BRF1: variants seen among roughly 807,000 people sequenced by gnomAD.
BRF1 encodes transcription factor IIIB 90 kDa subunit.
In BRF1, 59 loss-of-function variants were observed where a neutral mutation model predicts 81.7. That is an observed-to-expected ratio of 0.72 (90% CI 0.59 to 0.90). BRF1 has a LOEUF of 0.90. Among genes scored for constraint, BRF1 ranks in the 40% least tolerant of loss-of-function variants. The probability of loss-of-function intolerance (pLI) is 0.00; values close to 1 mark genes in which losing one functional copy is unlikely to be tolerated. For missense variants in BRF1, 1,050 were observed against 936.3 expected (o/e 1.12, Z -1.58); for synonymous variants, 491 against 395.6 (o/e 1.24, Z -2.86).
At chr14:105,266,781 C>A (rs1334118649) in intron 3 of BRF1, among the ~76,000 whole-genome samples, 1 of 152,112 alleles carries the variant, frequency 6.6e-6, no homozygotes, top group Admixed American at 6.6e-5. Context: ...GGGGGGTTCA[C>A]ACCTAGAATC....
intron 15 of BRF1, among the ~76,000 whole-genome samples, chr14:105,216,788 G>C (rs1031699502): frequency 6.6e-6 from 1 of 152,210 alleles, no homozygotes; most frequent in Admixed American, 6.5e-5. Context: ...GAAGCAGTAG[G>C]ACCAGCAGAC....
rs2057993408 is a variant in BRF1 at position 105,300,971 on chromosome 14, G to C, written c.-342C>G. 6.5e-6 allele frequency: 1 copy of C among 154,094 alleles called. No homozygotes were observed. Among genetic ancestry groups the C allele is most frequent in the South Asian group, 2.0e-4 (1 of 4,880 alleles). The allele number at this position is 154,094 out of a possible 1,614,324, so 9.5% of individuals were successfully genotyped here. ...CTGGGCTTCGGCGGAACCCGAGCGG[G>C]GCCTACCGGTGAGCGCAGCCGAGGA... On this transcript the variant is annotated 5_prime_UTR_variant, in exon 1 of 18. Transcript: ENST00000547530.
intron 2 of BRF1, among the ~76,000 whole-genome samples, chr14:105,280,611 C>T (rs117175877): frequency 0.018 from 2,640 of 146,312 alleles, 45 homozygotes; most frequent in Non-Finnish European, 0.03. Flanking sequence ...CCTGAGCCCG[C>T]GTGTGCAGGT....
intron 15 of BRF1, 68 bp from the exon 16 acceptor site, chr14:105,212,232 T>G: frequency 6.4e-7 from 1 of 1,554,818 alleles, no homozygotes; most frequent in South Asian, 1.2e-5. Flanking sequence ...TTGTTCCCTT[T>G]TGCCCATCTT....
intron 5 of BRF1, chr14:105,249,080 CGA>C (rs1566833727): frequency 1.4e-6 from 2 of 1,418,370 alleles, no homozygotes; most frequent in Non-Finnish European, 1.8e-6. Flanking sequence ...CCACGCTGCG[CGA>C]GAGGTGAGCC....
At chr14:105,250,353 C>T in intron 5 of BRF1, 1 of 1,613,626 alleles carries the variant, frequency 6.2e-7, no homozygotes, top group Non-Finnish European at 8.5e-7. Flanking sequence ...GGCTCCAGCT[C>T]TGGGAAGGCT....
intron 4 of BRF1, 46 bp downstream of exon 4, chr14:105,256,472 G>A: frequency 6.2e-7 from 1 of 1,613,906 alleles, no homozygotes; most frequent in Non-Finnish European, 8.5e-7. Flanking sequence ...ACAACCCCCA[G>A]GTCACAACCC....
intron 5 of BRF1, 39 bp from the exon 6 acceptor site, chr14:105,241,453 G>C (rs760580105): frequency 2.5e-6 from 4 of 1,605,660 alleles, no homozygotes; most frequent in Non-Finnish European, 3.4e-6. Flanking sequence ...ACCTCCATGT[G>C]CCATGGCACG....
intron 3 of BRF1, among the ~76,000 whole-genome samples, chr14:105,263,011 C>T (rs964049836): frequency 4.6e-5 from 7 of 151,544 alleles, no homozygotes; most frequent in African/African-American, 1.5e-4. Context: ...GAGGCCGAGG[C>T]GGGCAGATGA....
intron 3 of BRF1, among the ~76,000 whole-genome samples, chr14:105,257,581 G>T (rs1395029458): frequency 2.0e-5 from 3 of 152,148 alleles, no homozygotes; most frequent in African/African-American, 7.2e-5. Flanking sequence ...CGTGAACAAA[G>T]GTGCATCTGA....
At chr14:105,214,623 G>A (rs1890771520) in intron 15 of BRF1, among the ~76,000 whole-genome samples, 1 of 151,610 alleles carries the variant, frequency 6.6e-6, no homozygotes, top group African/African-American at 2.4e-5. Context: ...CCAGGGGCAG[G>A]TGGCCAGAGG....
chr14:105,296,374 G>A (rs1421917742), intron 1 of BRF1, among the ~76,000 whole-genome samples: 5 of 152,090 alleles, frequency 3.3e-5, no homozygotes, highest in African/African-American at 9.7e-5. Context: ...TTAGCCGGGC[G>A]TGGTGCTGGG....
chr14:105,263,741 C>G (rs777097533), intron 3 of BRF1, among the ~76,000 whole-genome samples: 1 of 151,962 alleles, frequency 6.6e-6, no homozygotes, highest in Non-Finnish European at 1.5e-5. Context: ...CTGGCTAACA[C>G]GGCGAAACCC....
chr14:105,221,603 T>G lies in BRF1; in HGVS notation c.1315+45A>C, dbSNP rs1025770868. 6 of 1,578,212 alleles carry G rather than the reference T, an allele frequency of 3.8e-6. No individual in the cohort carries two copies. In the African/African-American group the frequency reaches 4.1e-5, roughly 11 times the overall value. On this transcript the variant is annotated intron_variant, in intron 11 of 17. Transcript: ENST00000547530. ...CCATGAGAGGCACACGCCTGAAAGA[T>G]CTCCCGATGACCTCAGCGTCCCCCA...
rs587636844 is a variant in BRF1 at position 105,269,382 on chromosome 14, C to T, written c.439+3339G>A. 4.7e-4 allele frequency among the ~76,000 whole-genome samples: 72 copies of T among 152,274 alleles called. 1 individual carries two copies. The South Asian group carries it at 0.015, about 31-fold the overall frequency. On this transcript the variant is annotated intron_variant, in intron 3 of 17. Transcript: ENST00000547530. The surrounding 1 kb of genome is among the most constrained non-coding windows in gnomAD (Gnocchi z 5.0). ...TGAGCACAGTCCTGTTCCAAGCTGT[C>T]TTGTCCTTAGCAGCTTTATAAGGTA...
chr14:105,314,621 G>A (rs1263792845), intron 1 of BRF1: 2 of 144,316 alleles, frequency 1.4e-5, no homozygotes, highest in African/African-American at 2.5e-5. Flanking sequence ...ACCCGAGGCG[G>A]CGAGCTGGCG....
chr14:105,256,089 C>T (rs1382466781), intron 4 of BRF1: 2 of 1,085,076 alleles, frequency 1.8e-6, no homozygotes, highest in African/African-American at 3.2e-5. Context: ...CACGCCACTG[C>T]ACTCCAGCCT....
chr14:105,221,438 G>A (rs587635173), intron 11 of BRF1, among the ~76,000 whole-genome samples: 5 of 152,286 alleles, frequency 3.3e-5, no homozygotes, highest in East Asian at 1.9e-4. Context: ...GCATTCTGGC[G>A]TCGGCACACA....
rs184484074 is a variant in BRF1 at position 105,263,324 on chromosome 14, G to A, written c.440-6775C>T. The stretch of plus-strand genomic sequence containing the variant: ...GAGTTTACAGTTCAGTGGCTTCCGA[G>A]CCAGCCAGACACGAGGGGCCAAGCT... On this transcript the variant is annotated intron_variant, in intron 3 of 17. Coordinates refer to ENST00000547530, the MANE Select transcript of BRF1 (RefSeq NM_001519.4). Among the ~76,000 whole-genome samples the A allele has an allele frequency of 5.3e-3, 803 of 151,898 alleles. 10 individuals carry two copies. The highest frequency in any genetic ancestry group is 0.048 in the South Asian group (232 of 4,812).
Sources: gnomAD v4.1 joint callset for allele counts (sites outside exome capture counted in the v4.1 genomes callset) on GRCh38, gnomAD v4.1.1 for gene constraint, Gnocchi (gnomAD v3.1) non-coding constraint, MANE v1.5 for transcripts, NCBI Gene and HGNC (gene_info 2026-07-23, HGNC 2026-07-21) for gene names.